HEMK2: variants seen among roughly 807,000 people sequenced by gnomAD.
HEMK2 encodes the protein HemK methyltransferase 2, ETF1 glutamine and histone H4 lysine, also known as methyltransferase HEMK2.
chr21:28,857,411 CATTT>C, the HEMK2 span, among the ~76,000 whole-genome samples: 17 of 152,122 alleles, frequency 1.1e-4, no homozygotes, highest in Non-Finnish European at 2.4e-4. Flanking sequence ...TTTTAATGTA[CATTT>C]ATTAAAGTTT....
At chr21:28,651,124 A>C in the HEMK2 span, among the ~76,000 whole-genome samples, 1 of 152,222 alleles carries the variant, frequency 6.6e-6, no homozygotes, top group Non-Finnish European at 1.5e-5. Context: ...TATTCTGGAA[A>C]TAAGTATAAA....
chr21:28,760,358 A>G, the HEMK2 span, among the ~76,000 whole-genome samples: 1 of 152,316 alleles, frequency 6.6e-6, no homozygotes, highest in East Asian at 1.9e-4. Context: ...CTATAGAGTA[A>G]AATTTTAGGC....
the HEMK2 span, among the ~76,000 whole-genome samples, chr21:28,606,032 A>G: frequency 2.6e-5 from 4 of 152,214 alleles, no homozygotes; most frequent in Non-Finnish European, 5.9e-5. Flanking sequence ...ATACACTCAC[A>G]CAACCTGTTG....
At chr21:28,797,183 T>TG in the HEMK2 span, among the ~76,000 whole-genome samples, 2 of 152,146 alleles carry the variant, frequency 1.3e-5, no homozygotes, top group Non-Finnish European at 2.9e-5. Flanking sequence ...AACTCTTCAC[T>TG]GGGGCCCACA....
At chr21:28,604,125 T>C in the HEMK2 span, among the ~76,000 whole-genome samples, 1 of 152,218 alleles carries the variant, frequency 6.6e-6, no homozygotes, top group East Asian at 1.9e-4. Context: ...TGTCACACAA[T>C]GTTTTGGTGC....
At chr21:28,740,607 C>T in the HEMK2 span, among the ~76,000 whole-genome samples, 1 of 152,192 alleles carries the variant, frequency 6.6e-6, no homozygotes, top group Non-Finnish European at 1.5e-5. Flanking sequence ...TAAAGTATTT[C>T]ACAACTACAG....
the HEMK2 span, chr21:28,872,253 T>A: frequency 6.6e-6 from 1 of 152,234 alleles, no homozygotes; most frequent in Non-Finnish European, 1.5e-5. Context: ...GGGTCCTTCA[T>A]GCAGGTTTTA....
chr21:28,789,383 A>T, the HEMK2 span, among the ~76,000 whole-genome samples: 6 of 152,214 alleles, frequency 3.9e-5, no homozygotes, highest in African/African-American at 1.4e-4. Flanking sequence ...ACTGAAAGCC[A>T]GGAAGTTAGC....
chr21:28,757,301 A>G, the HEMK2 span, among the ~76,000 whole-genome samples: 1 of 152,198 alleles, frequency 6.6e-6, no homozygotes, highest in South Asian at 2.1e-4. Flanking sequence ...TTATGTATTT[A>G]TAAGAATATT....
chr21:28,576,806 G>C, the HEMK2 span, among the ~76,000 whole-genome samples: 1 of 152,118 alleles, frequency 6.6e-6, no homozygotes, highest in Non-Finnish European at 1.5e-5. Flanking sequence ...CACCTCCCGG[G>C]TTCAAGCAAT....
At chr21:28,795,207 A>G in the HEMK2 span, among the ~76,000 whole-genome samples, 6 of 152,358 alleles carry the variant, frequency 3.9e-5, no homozygotes, top group African/African-American at 9.6e-5. Context: ...AGTTACTCTG[A>G]TAATGATGGC....
At chr21:28,788,617 A>G in the HEMK2 span, among the ~76,000 whole-genome samples, 2 of 151,868 alleles carry the variant, frequency 1.3e-5, no homozygotes, top group Non-Finnish European at 2.9e-5. Flanking sequence ...CTCACAAATC[A>G]TCACTACCAA....
chr21:28,877,119 A>AGGAAGAAAAAAAGAGAAG, the HEMK2 span, among the ~76,000 whole-genome samples: 1 of 105,260 alleles, frequency 9.5e-6, no homozygotes. Flanking sequence ...GATGGACAGA[A>AGGAAGAAAAAAAGAGAAG]GGAAGAAAAA....
the HEMK2 span, among the ~76,000 whole-genome samples, chr21:28,785,137 A>C: frequency 6.6e-6 from 1 of 152,172 alleles, no homozygotes; most frequent in South Asian, 2.1e-4. Context: ...AGAAGGAAGA[A>C]ACTCCAAACA....
At chr21:28,826,863 C>T in the HEMK2 span, among the ~76,000 whole-genome samples, 1 of 152,244 alleles carries the variant, frequency 6.6e-6, no homozygotes, top group South Asian at 2.1e-4. Flanking sequence ...TCAAGGAGAA[C>T]CTGGCATAAC....
At chr21:28,876,162 C>T in the HEMK2 span, 3 of 335,410 alleles carry the variant, frequency 8.9e-6, no homozygotes, top group Non-Finnish European at 1.6e-5. Flanking sequence ...ATATTTCATA[C>T]ATAATTTTTA....
the HEMK2 span, among the ~76,000 whole-genome samples, chr21:28,649,622 G>A: frequency 6.6e-6 from 1 of 152,196 alleles, no homozygotes; most frequent in African/African-American, 2.4e-5. Context: ...TGGGATACAG[G>A]ATAACTGCTG....
At chr21:28,828,692 T>C in the HEMK2 span, among the ~76,000 whole-genome samples, 3 of 152,162 alleles carry the variant, frequency 2.0e-5, no homozygotes, top group Non-Finnish European at 4.4e-5. Flanking sequence ...AATGTTCCCT[T>C]TCTTCCAGAA....
chr21:28,851,937 C>A, the HEMK2 span, among the ~76,000 whole-genome samples: 5 of 152,142 alleles, frequency 3.3e-5, no homozygotes, highest in Non-Finnish European at 7.3e-5. Flanking sequence ...ATACCAGGTA[C>A]CAGGAGATGT....
Sources: gnomAD v4.1 joint callset for allele counts (sites outside exome capture counted in the v4.1 genomes callset) on GRCh38, gnomAD v4.1.1 for gene constraint, MANE v1.5 for transcripts, NCBI Gene and HGNC (gene_info 2026-07-23, HGNC 2026-07-21) for gene names.